PTPRM: variants seen among roughly 807,000 people sequenced by gnomAD.
The protein encoded by PTPRM is receptor-type tyrosine-protein phosphatase mu.
In PTPRM, 47 loss-of-function variants were observed where a neutral mutation model predicts 186.7. That is an observed-to-expected ratio of 0.25 (90% confidence interval 0.20 to 0.32). PTPRM has a LOEUF of 0.32. Among genes scored for constraint, PTPRM ranks in the 10% least tolerant of loss-of-function variants. PTPRM has a pLI of 1.00. For synonymous variants in PTPRM, 668 were observed against 674.9 expected (o/e 0.99, Z 0.16); for missense variants, 1,494 against 1,865.0 (o/e 0.80, Z 3.66).
chr18:8,376,245 T>C, intron 25 of PTPRM, 45 bp downstream of exon 25: 1 of 1,597,702 alleles, frequency 6.3e-7, no homozygotes, highest in African/African-American at 1.3e-5. Context: ...CAGTGGGTGA[T>C]GGGTGCAGGG....
At chr18:8,381,358 CT>C (rs1289016032) in intron 29 of PTPRM, among the ~76,000 whole-genome samples, 23 of 64,420 alleles carry the variant, frequency 3.6e-4, no homozygotes, top group Admixed American at 1.9e-4. Context: ...AATTCTTTTT[CT>C]TAAAAAAAAA....
intron 3 of PTPRM, among the ~76,000 whole-genome samples, chr18:7,901,202 G>A (rs1315220233): frequency 2.6e-5 from 4 of 152,150 alleles, no homozygotes; most frequent in Non-Finnish European, 1.5e-5. Context: ...AGAGAAAAAA[G>A]ATTATTTTTG....
chr18:7,769,622 T>C (rs547548824), intron 1 of PTPRM, among the ~76,000 whole-genome samples: 1 of 152,316 alleles, frequency 6.6e-6, no homozygotes, highest in African/African-American at 2.4e-5. Flanking sequence ...TAGTGTCCTT[T>C]TCTTTGCTCT....
At chr18:8,001,715 A>G (rs918308327) in intron 7 of PTPRM, among the ~76,000 whole-genome samples, 1 of 152,164 alleles carries the variant, frequency 6.6e-6, no homozygotes, top group African/African-American at 2.4e-5. Flanking sequence ...ATCTTCCTTA[A>G]TAAAAAGCCA....
intron 20 of PTPRM, among the ~76,000 whole-genome samples, chr18:8,301,005 C>A (rs1373157739): frequency 6.6e-6 from 1 of 152,122 alleles, no homozygotes; most frequent in Non-Finnish European, 1.5e-5. Flanking sequence ...ATTACCATCC[C>A]CTGCCTAAAA....
chr18:8,392,423 G>A (rs1268923575), intron 31 of PTPRM, among the ~76,000 whole-genome samples: 1 of 152,104 alleles, frequency 6.6e-6, no homozygotes. Flanking sequence ...AGGAGATTGA[G>A]ACTATCCTGG....
intron 1 of PTPRM, among the ~76,000 whole-genome samples, chr18:7,724,528 T>C (rs2040508095): frequency 6.6e-6 from 1 of 152,236 alleles, no homozygotes; most frequent in Non-Finnish European, 1.5e-5. Flanking sequence ...GCATTATCCC[T>C]ACAACATTGG....
intron 1 of PTPRM, among the ~76,000 whole-genome samples, chr18:7,769,900 A>G (rs2042193589): frequency 6.6e-6 from 1 of 152,154 alleles, no homozygotes; most frequent in Admixed American, 6.5e-5. Flanking sequence ...AGACAGCGAG[A>G]GAGAAAAAGA....
intron 1 of PTPRM, among the ~76,000 whole-genome samples, chr18:7,742,982 A>G (rs140171604): frequency 4.6e-5 from 7 of 152,356 alleles, no homozygotes; most frequent in African/African-American, 1.4e-4. Context: ...AATTTTCATA[A>G]CAATGCTGTG....
At chr18:8,188,434 G>A (rs186189307) in intron 14 of PTPRM, among the ~76,000 whole-genome samples, 24 of 152,278 alleles carry the variant, frequency 1.6e-4, no homozygotes, top group African/African-American at 3.4e-4. Flanking sequence ...GATGAATCAC[G>A]GACTGAACAC....
chr18:8,021,850 TG>T (rs1414001061), intron 7 of PTPRM, among the ~76,000 whole-genome samples: 1 of 152,172 alleles, frequency 6.6e-6, no homozygotes, highest in Non-Finnish European at 1.5e-5. Context: ...CTCAAAATGC[TG>T]GGACTACAGG....
At chr18:7,677,395 T>G (rs2039369492) in intron 1 of PTPRM, among the ~76,000 whole-genome samples, 1 of 152,322 alleles carries the variant, frequency 6.6e-6, no homozygotes, top group African/African-American at 2.4e-5. Flanking sequence ...ACAGCATAAC[T>G]ATAATGTTTA....
chr18:8,238,472 ATC>A (rs1208669360), intron 14 of PTPRM, among the ~76,000 whole-genome samples: 3 of 151,822 alleles, frequency 2.0e-5, no homozygotes, highest in Non-Finnish European at 4.4e-5. Flanking sequence ...TAGAATTTCC[ATC>A]TCTCTGCTTA....
intron 7 of PTPRM, among the ~76,000 whole-genome samples, chr18:8,066,952 G>A (rs780079067): frequency 6.6e-5 from 10 of 152,082 alleles, no homozygotes; most frequent in Non-Finnish European, 1.2e-4. Context: ...ATACTTGACC[G>A]GTACACAGAC....
intron 2 of PTPRM, among the ~76,000 whole-genome samples, chr18:7,818,498 G>A (rs1318901360): frequency 6.6e-6 from 1 of 152,176 alleles, no homozygotes; most frequent in African/African-American, 2.4e-5. Flanking sequence ...TGGACTCTGA[G>A]GTTGTATTCA....
intron 2 of PTPRM, among the ~76,000 whole-genome samples, chr18:7,869,660 G>C (rs574793774): frequency 6.6e-6 from 1 of 152,100 alleles, no homozygotes; most frequent in African/African-American, 2.4e-5. Flanking sequence ...GCCAGCCATC[G>C]ATCAGTTTTT....
At chr18:7,976,149 C>CA (rs1347097157) in intron 7 of PTPRM, among the ~76,000 whole-genome samples, 1 of 151,896 alleles carries the variant, frequency 6.6e-6, no homozygotes, top group Non-Finnish European at 1.5e-5. Context: ...AGCCGGGAGA[C>CA]AGAGGGAGAC....
intron 1 of PTPRM, among the ~76,000 whole-genome samples, chr18:7,598,891 C>T (rs189821117): frequency 6.6e-6 from 1 of 151,784 alleles, no homozygotes; most frequent in African/African-American, 2.4e-5. Context: ...AGTAAAGTCT[C>T]ATTCCTAAAG....
intron 14 of PTPRM, among the ~76,000 whole-genome samples, chr18:8,187,666 G>T (rs1049479428): frequency 5.3e-5 from 8 of 152,300 alleles, no homozygotes; most frequent in African/African-American, 1.9e-4. Context: ...CCTAGACTAA[G>T]TTGGCAACAG....
Sources: allele counts gnomAD v4.1 joint callset (sites outside exome capture counted in the v4.1 genomes callset), GRCh38; gene constraint gnomAD v4.1.1; transcripts MANE v1.5; gene names NCBI Gene and HGNC (gene_info 2026-07-23, HGNC 2026-07-21).